The following SAMD12 variants were observed in gnomAD, a reference collection of about 807,000 sequenced individuals.
SAMD12 encodes sterile alpha motif domain containing 12.
A neutral mutation model predicts 15.0 loss-of-function variants in SAMD12; 9 were observed. The observed-to-expected ratio is 0.60, with a 90% CI of 0.36 to 1.05. The LOEUF (loss-of-function observed/expected upper bound fraction) is 1.05. Among genes scored for constraint, SAMD12 ranks in the 50% least tolerant of loss-of-function variants. The probability of loss-of-function intolerance (pLI) is 0.01; values close to 1 mark genes in which losing one functional copy is unlikely to be tolerated. For synonymous variants in SAMD12, 86 were observed against 90.1 expected (o/e 0.96, Z 0.25); for missense variants, 230 against 234.2 (o/e 0.98, Z 0.12).
At chr8:118,229,485 C>T (rs1409063302) in intron 4 of SAMD12, among the ~76,000 whole-genome samples, 2 of 152,062 alleles carry the variant, frequency 1.3e-5, no homozygotes, top group East Asian at 1.9e-4. Context: ...CTAACTAATG[C>T]GCACTTTGTT....
intron 3 of SAMD12, among the ~76,000 whole-genome samples, chr8:118,399,643 G>C (rs1820772769): frequency 6.6e-6 from 1 of 152,154 alleles, no homozygotes; most frequent in African/African-American, 2.4e-5. Flanking sequence ...CTGAATCACA[G>C]CCCAACTTCT....
the SAMD12 span, among the ~76,000 whole-genome samples, chr8:118,132,222 A>T: frequency 6.6e-6 from 1 of 152,170 alleles, no homozygotes; most frequent in Non-Finnish European, 1.5e-5. Flanking sequence ...TCTACATTTT[A>T]CTCAAGCAAT....
intron 4 of SAMD12, among the ~76,000 whole-genome samples, chr8:118,273,406 G>T (rs1398692482): frequency 6.6e-6 from 1 of 152,178 alleles, no homozygotes; most frequent in Non-Finnish European, 1.5e-5. Flanking sequence ...TTTGGATGGG[G>T]ACACGGCCAA....
intron 2 of SAMD12, among the ~76,000 whole-genome samples, chr8:118,521,668 C>T (rs55657996): frequency 0.44 from 67,281 of 151,342 alleles, 15,202 homozygotes; most frequent in African/African-American, 0.52. Flanking sequence ...TCTTCCAAGA[C>T]TGGGCTGTGC....
At chr8:118,413,587 A>T (rs1395225046) in intron 3 of SAMD12, among the ~76,000 whole-genome samples, 1 of 152,090 alleles carries the variant, frequency 6.6e-6, no homozygotes, top group African/African-American at 2.4e-5. Flanking sequence ...TCTCTTGACA[A>T]TTAACTGTAG....
At chr8:118,179,471 G>A in the SAMD12 span, among the ~76,000 whole-genome samples, 7 of 150,686 alleles carry the variant, frequency 4.6e-5, no homozygotes, top group Admixed American at 4.6e-4. Context: ...TTCTAAACAA[G>A]GAAGTCTTCA....
intron 3 of SAMD12, among the ~76,000 whole-genome samples, chr8:118,404,377 A>AT (rs1821022857): frequency 6.6e-6 from 1 of 152,174 alleles, no homozygotes; most frequent in Admixed American, 6.5e-5. Context: ...TGGCCTCCTG[A>AT]AGAAAGTTCA....
intron 2 of SAMD12, among the ~76,000 whole-genome samples, chr8:118,577,740 GA>G (rs1435435657): frequency 6.6e-6 from 1 of 152,154 alleles, no homozygotes; most frequent in Non-Finnish European, 1.5e-5. Flanking sequence ...CACCTTACCA[GA>G]AGGCTCTACA....
intron 4 of SAMD12, among the ~76,000 whole-genome samples, chr8:118,355,907 A>T (rs1470801200): frequency 6.6e-6 from 1 of 152,200 alleles, no homozygotes; most frequent in Non-Finnish European, 1.5e-5. Flanking sequence ...AATTTAATGG[A>T]AGTGATACAG....
At chr8:118,191,291 T>C (rs947060956) in exon 5 of SAMD12, 1 of 152,048 alleles carries the variant, frequency 6.6e-6, no homozygotes, top group African/African-American at 2.4e-5. Flanking sequence ...ATCTTTCTAT[T>C]GGTGGAAGAA....
intron 1 of SAMD12, among the ~76,000 whole-genome samples, chr8:118,593,662 T>C (rs900543064): frequency 2.6e-5 from 4 of 152,210 alleles, no homozygotes; most frequent in African/African-American, 7.2e-5. Flanking sequence ...AAATTATCAG[T>C]GTCCTTTAAC....
At chr8:118,510,327 A>T (rs1825044272) in intron 2 of SAMD12, among the ~76,000 whole-genome samples, 1 of 152,118 alleles carries the variant, frequency 6.6e-6, no homozygotes. Flanking sequence ...ACCTTCACTG[A>T]CAAGCATCTC....
chr8:118,542,674 G>T (rs564321792), intron 2 of SAMD12, among the ~76,000 whole-genome samples: 3 of 152,278 alleles, frequency 2.0e-5, no homozygotes, highest in Admixed American at 6.5e-5. Context: ...CTAGATCCAA[G>T]TGAAAGTTAA....
At chr8:118,201,860 A>C (rs993646451) in intron 4 of SAMD12, among the ~76,000 whole-genome samples, 1 of 152,224 alleles carries the variant, frequency 6.6e-6, no homozygotes, top group Non-Finnish European at 1.5e-5. Flanking sequence ...ATTACTATTA[A>C]TAGTTTAGAC....
At chr8:118,161,059 T>C in the SAMD12 span, among the ~76,000 whole-genome samples, 1 of 152,142 alleles carries the variant, frequency 6.6e-6, no homozygotes, top group African/African-American at 2.4e-5. Flanking sequence ...TTTTTTGTCC[T>C]TGCGATAGTT....
At chr8:118,190,308 CAA>C (rs1286429454) in exon 5 of SAMD12, 1 of 152,062 alleles carries the variant, frequency 6.6e-6, no homozygotes, top group South Asian at 2.1e-4. Context: ...AGTAGTTCAT[CAA>C]AAAAGTTTGA....
chr8:118,294,754 G>T (rs920521314), intron 4 of SAMD12, among the ~76,000 whole-genome samples: 14 of 152,170 alleles, frequency 9.2e-5, no homozygotes, highest in Admixed American at 6.5e-4. Context: ...ATCATGTAGG[G>T]TCATGCAACG....
intron 4 of SAMD12, among the ~76,000 whole-genome samples, chr8:118,344,926 C>T (rs888504017): frequency 6.6e-6 from 1 of 152,008 alleles, no homozygotes; most frequent in African/African-American, 2.4e-5. Flanking sequence ...CATTACAGTA[C>T]TATTATTATA....
chr8:118,500,295 C>T (rs545256794), intron 2 of SAMD12, among the ~76,000 whole-genome samples: 5 of 151,466 alleles, frequency 3.3e-5, no homozygotes, highest in African/African-American at 1.2e-4. Flanking sequence ...TCAGGCTTGC[C>T]TCAAACTCCT....
Sources: allele counts gnomAD v4.1 joint callset (sites outside exome capture counted in the v4.1 genomes callset), GRCh38; gene constraint gnomAD v4.1.1; transcripts MANE v1.5; gene names NCBI Gene and HGNC (gene_info 2026-07-23, HGNC 2026-07-21).